TLL2: variants seen among roughly 807,000 people sequenced by gnomAD.
The protein encoded by TLL2 is tolloid like 2.
In TLL2, 106 loss-of-function variants were observed where a neutral mutation model predicts 123.0. The observed-to-expected ratio is 0.86, with a 90% CI of 0.74 to 1.01. The LOEUF (loss-of-function observed/expected upper bound fraction) is 1.01. Ranked by LOEUF, TLL2 falls within the 50% of genes least tolerant of loss-of-function variation. The pLI, the probability that TLL2 is intolerant of heterozygous loss-of-function variation, is 0.00. For missense variants in TLL2, 1,332 were observed against 1,336.7 expected, an observed-to-expected ratio of 1.00 and a Z score of 0.06; for synonymous variants, 494 against 516.8, an observed-to-expected ratio of 0.96 and a Z score of 0.60.
chr10:96,403,717 A>G (rs1243314953), intron 10 of TLL2, among the ~76,000 whole-genome samples: 3 of 152,098 alleles, frequency 2.0e-5, no homozygotes, highest in Non-Finnish European at 4.4e-5. Context: ...TGGATTAGTA[A>G]AAGAGGAAAG....
chr10:96,476,216 T>TTTTATATATATATATATA (rs1705943796), intron 2 of TLL2, among the ~76,000 whole-genome samples: 2 of 33,332 alleles, frequency 6.0e-5, no homozygotes, highest in African/African-American at 1.7e-4. Flanking sequence ...CTTTTTAATT[T>TTTTATATATATATATATA]TATATGTATA....
At chr10:96,433,066 T>C in intron 3 of TLL2, 104 bp from the exon 4 acceptor site, 14 of 1,465,032 alleles carry the variant, frequency 9.6e-6, no homozygotes, top group Non-Finnish European at 1.3e-5. Context: ...TGTTAAAACA[T>C]GTTCCAAAGG....
At chr10:96,470,262 T>C (rs1413355615) in intron 2 of TLL2, among the ~76,000 whole-genome samples, 1 of 151,874 alleles carries the variant, frequency 6.6e-6, no homozygotes, top group Non-Finnish European at 1.5e-5. Context: ...CAGCCGGGGG[T>C]CAGAGGCATC....
At position 96,373,814 on chromosome 10, in the gene TLL2, G is replaced by C; in HGVS notation, c.2449-5C>G. 1.9e-6 allele frequency: 3 copies of C among 1,612,394 alleles called. No homozygotes were observed. Among genetic ancestry groups the C allele is most frequent in the Non-Finnish European group, 2.5e-6 (3 of 1,179,728 alleles). ...GATCTCAAACTCATTAAAGGTCTGGGGACAGAAGAGCAGAAAGTAAGGCAA... is the reference window on the plus strand; with the variant it reads ...GATCTCAAACTCATTAAAGGTCTGGCGACAGAAGAGCAGAAAGTAAGGCAA... On this transcript the variant is annotated splice_polypyrimidine_tract_variant and splice_region_variant and intron_variant, in intron 18 of 20. Transcript: ENST00000357947.
intron 5 of TLL2, among the ~76,000 whole-genome samples, chr10:96,426,639 CCA>C (rs544423179): frequency 1.2e-3 from 184 of 152,300 alleles, no homozygotes; most frequent in African/African-American, 4.3e-3. Context: ...TTCACATTAT[CCA>C]CATTTTCACA....
At chr10:96,470,319 C>G (rs1201255773) in intron 2 of TLL2, among the ~76,000 whole-genome samples, 1 of 152,186 alleles carries the variant, frequency 6.6e-6, no homozygotes, top group African/African-American at 2.4e-5. Flanking sequence ...CATGGGGGAG[C>G]AGGAGAGCAG....
intron 16 of TLL2, among the ~76,000 whole-genome samples, chr10:96,383,237 G>T (rs1275212902): frequency 6.6e-6 from 1 of 152,212 alleles, no homozygotes; most frequent in Non-Finnish European, 1.5e-5. Flanking sequence ...ATGGCCTTCA[G>T]TTTGAGAAGT....
rs1227244257 is a variant in TLL2, at chr10:96,368,146, C to A, written c.2990G>T (p.Gly997Val). Residue 997 changes from glycine (G) to valine (V), a missense_variant, in exon 21 of 21, where the codon GGC becomes GTC. Gly to Val is a moderately radical substitution (Grantham distance 109). Transcript: ENST00000357947. ...FRTDDTINKK[G>V]FHARYTSTKF... ...GGTGCTGGTGTATCGGGCATGAAAGCCTTTCTTGTTGATGGTGTCATCTGT... is the reference window on the plus strand; with the variant it reads ...GGTGCTGGTGTATCGGGCATGAAAGACTTTCTTGTTGATGGTGTCATCTGT... 1 of 1,614,222 alleles carries A rather than the reference C, an allele frequency of 6.2e-7. No homozygotes were observed. The highest frequency in any genetic ancestry group is 8.5e-7 in the Non-Finnish European group (1 of 1,180,036).
rs57153896 is a variant in TLL2, at chr10:96,500,144, C to CAAAAAAAA, written c.175+13359_175+13366dup. Among the ~76,000 whole-genome samples the CAAAAAAAA allele has an allele frequency of 1.3e-4, 16 of 120,778 alleles. No homozygotes were observed. In the East Asian group the frequency reaches 1.5e-3, roughly 11 times the overall value. The allele number at this position is 120,778 out of a possible 152,430, so 79.2% of individuals were successfully genotyped here. ...AAGAAAAAGAAAAAAAAATCTCTAC[C>CAAAAAAAA]AAAAAAAAAAAAAAAATACAAAAAT... is the stretch of plus-strand genomic sequence containing the variant. On this transcript the variant is annotated intron_variant, in intron 1 of 20. Transcript: ENST00000357947.
intron 1 of TLL2, among the ~76,000 whole-genome samples, chr10:96,504,496 G>A (rs1300190782): frequency 6.6e-6 from 1 of 152,110 alleles, no homozygotes; most frequent in African/African-American, 2.4e-5. Context: ...TATAATCCCA[G>A]CTACTCAGGA....
chr10:96,458,224 G>C lies in TLL2; in HGVS notation c.287-12056C>G, dbSNP rs559794305. Among the ~76,000 whole-genome samples, 3 of 152,220 alleles carry C rather than the reference G, an allele frequency of 2.0e-5. No homozygotes were observed. The South Asian group carries it at 6.2e-4, about 32-fold the overall frequency. ...CAACCACTACCCTGCTGGATGGGAG[G>C]AGATGAAGGGAAAGCCTTCCTCTAC... On this transcript the variant is annotated intron_variant, in intron 2 of 20. Transcript: ENST00000357947.
Position 96,513,677 on chromosome 10 carries a change from C to A in TLL2, c.9G>T (p.Arg3=). Residue 3 remains arginine, a synonymous_variant, in exon 1 of 21, where the codon CGG becomes CGT. Coordinates refer to ENST00000357947, the MANE Select transcript of TLL2 (RefSeq NM_012465.4). MP[R]ATALGALVSL... Reference sequence around the variant, plus strand: ...ACACCAGGGCCCCAAGTGCAGTCGCCCGGGGCATGGTGGCGCGGGGCCGGC... The same window carrying A: ...ACACCAGGGCCCCAAGTGCAGTCGCACGGGGCATGGTGGCGCGGGGCCGGC... The A allele has an allele frequency of 6.5e-7, 1 of 1,549,138 alleles. No homozygotes were observed. Among genetic ancestry groups the A allele is most frequent in the Non-Finnish European group, 8.7e-7 (1 of 1,153,432 alleles).
chr10:96,413,225 T>C lies in TLL2; in HGVS notation c.1015A>G (p.Ile339Val), dbSNP rs781651278. 5 of 1,614,196 alleles carry C rather than the reference T, an allele frequency of 3.1e-6. No homozygotes were observed. In the East Asian group the frequency reaches 8.9e-5, roughly 29 times the overall value. The change falls in exon 8 of 21, where the codon ATA (isoleucine) becomes GTA (valine). Residue 339 changes from isoleucine (I) to valine (V), a missense_variant. Physicochemically the swap from Ile to Val is conservative, Grantham distance 29. Coordinates refer to ENST00000357947, the MANE Select transcript of TLL2 (RefSeq NM_012465.4). ...GQRVRLSQGDIAQARKLYKCP... is the reference protein window; with the variant it reads ...GQRVRLSQGDVAQARKLYKCP... ...TTGTACAGCTTCCGGGCTTGAGCTA[T>C]GTCTCCCTGACTGAGCCGCACGCGC...
chr10:96,446,942 G>T (rs1022730594), intron 2 of TLL2, among the ~76,000 whole-genome samples: 1 of 152,214 alleles, frequency 6.6e-6, no homozygotes, highest in Non-Finnish European at 1.5e-5. Context: ...TGGAAAGCTG[G>T]ACCATAAACC....
chr10:96,370,594 T>C (rs1396427272), intron 19 of TLL2, among the ~76,000 whole-genome samples: 1 of 152,248 alleles, frequency 6.6e-6, no homozygotes, highest in Non-Finnish European at 1.5e-5. Context: ...TTTTTGTTTT[T>C]TCCGGTTATG....
At chr10:96,381,058 C>A (rs1228484164) in intron 16 of TLL2, among the ~76,000 whole-genome samples, 1 of 152,124 alleles carries the variant, frequency 6.6e-6, no homozygotes, top group East Asian at 1.9e-4. Context: ...TTCCTTCCTC[C>A]AAGTCCTTCT....
chr10:96,484,144 C>T (rs1166480392), intron 1 of TLL2, among the ~76,000 whole-genome samples: 1 of 152,080 alleles, frequency 6.6e-6, no homozygotes, highest in Admixed American at 6.6e-5. Flanking sequence ...TCGCCTGGCC[C>T]ACCATGATTT....
chr10:96,394,281 C>T (rs371754278), intron 13 of TLL2, among the ~76,000 whole-genome samples: 3 of 152,278 alleles, frequency 2.0e-5, no homozygotes, highest in South Asian at 4.1e-4. Flanking sequence ...GACTGAATGT[C>T]TCTACTCAAG....
chr10:96,369,073 T>A (rs1314756636), intron 20 of TLL2, among the ~76,000 whole-genome samples: 3 of 152,244 alleles, frequency 2.0e-5, no homozygotes, highest in Non-Finnish European at 4.4e-5. Context: ...TCAAAAATGA[T>A]GTGCTATAAG....
Sources: allele counts gnomAD v4.1 joint callset (sites outside exome capture counted in the v4.1 genomes callset), GRCh38; gene constraint gnomAD v4.1.1; transcripts MANE v1.5; gene names NCBI Gene and HGNC (gene_info 2026-07-23, HGNC 2026-07-21).